TRAPPC6B: variants seen among roughly 807,000 people sequenced by gnomAD.
TRAPPC6B encodes the protein TRAPP complex subunit 6B.
In TRAPPC6B, 27 loss-of-function variants were observed where a neutral mutation model predicts 24.7. The observed-to-expected ratio is 1.09, with a 90% confidence interval of 0.81 to 1.51. TRAPPC6B has a LOEUF of 1.51. Among genes scored for constraint, TRAPPC6B ranks in the 40% most tolerant of loss-of-function variants. TRAPPC6B has a pLI of 0.00. For synonymous variants in TRAPPC6B, 80 were observed against 66.6 expected (o/e 1.20, Z -0.98); for missense variants, 212 against 190.8 (o/e 1.11, Z -0.66).
At chr14:39,154,446 G>C in intron 3 of TRAPPC6B, 152 bp from the exon 4 acceptor site, 2 of 584,812 alleles carry the variant, frequency 3.4e-6, no homozygotes, top group Non-Finnish European at 6.0e-6. Context: ...TTTGAGACGG[G>C]GTCTCCTCTG....
chr14:39,149,452 A>G lies in TRAPPC6B; in HGVS notation c.*898T>C, dbSNP rs1278296456. 1 of 152,226 alleles carries G rather than the reference A, an allele frequency of 6.6e-6. No individual in the cohort carries two copies. The highest frequency in any genetic ancestry group is 2.4e-5 in the African/African-American group (1 of 41,460). 9.4% of individuals were successfully genotyped at this position (152,226 alleles called of 1,614,324 possible). On this transcript the variant is annotated 3_prime_UTR_variant, in exon 6 of 6. Coordinates refer to ENST00000330149, the MANE Select transcript of TRAPPC6B (RefSeq NM_001079537.2). ...TTATGCCAGATAATTTAAGTAAGAG[A>G]AAGTAAGTAGAAGAGGTGGTAAGAA...
intron 1 of TRAPPC6B, among the ~76,000 whole-genome samples, chr14:39,168,537 C>CTT (rs34718979): frequency 5.3e-4 from 81 of 151,894 alleles, no homozygotes; most frequent in Non-Finnish European, 1.1e-3. Flanking sequence ...CTGGCAGTAC[C>CTT]TTTTTTTGGA....
chr14:39,167,769 C>A (rs1218742965), intron 1 of TRAPPC6B, among the ~76,000 whole-genome samples: 1 of 151,796 alleles, frequency 6.6e-6, no homozygotes, highest in Admixed American at 6.6e-5. Flanking sequence ...TTAAATGATT[C>A]AAAACTATGA....
chr14:39,152,387 T>C (rs533698014), intron 4 of TRAPPC6B, among the ~76,000 whole-genome samples: 1 of 152,158 alleles, frequency 6.6e-6, no homozygotes, highest in Non-Finnish European at 1.5e-5. Context: ...ATCAACAGTT[T>C]GGACGTTGAG....
At position 39,158,361 on chromosome 14, in the gene TRAPPC6B, A is replaced by AT; in HGVS notation, c.190dup (p.Ile64AsnfsTer7). On this transcript the variant is annotated frameshift_variant, in exon 3 of 6. Transcript: ENST00000330149. LOFTEE classifies it high-confidence loss of function. ...AAAATCTTTACAAATGAACTTCATGATATCTAACTCATCCTTGAACCTTGC... is the reference window on the plus strand; with the variant it reads ...AAAATCTTTACAAATGAACTTCATGATTATCTAACTCATCCTTGAACCTTGC... 6.2e-7 allele frequency: 1 copy of AT among 1,604,530 alleles called. No individual in the cohort carries two copies. The highest frequency in any genetic ancestry group is 1.3e-5 in the African/African-American group (1 of 74,518).
intron 1 of TRAPPC6B, among the ~76,000 whole-genome samples, chr14:39,164,051 T>C (rs1293777124): frequency 7.0e-6 from 1 of 143,676 alleles, no homozygotes; most frequent in African/African-American, 3.0e-5. Context: ...CGTCTCTCTC[T>C]ACCCTTACTT....
At chr14:39,156,654 G>GT (rs1404168515) in intron 3 of TRAPPC6B, 1 of 152,112 alleles carries the variant, frequency 6.6e-6, no homozygotes, top group Non-Finnish European at 1.5e-5. Context: ...TATGACAGCA[G>GT]TAATAATCCA....
At chr14:39,152,028 G>A (rs1342802788) in intron 4 of TRAPPC6B, among the ~76,000 whole-genome samples, 189 bp from the exon 5 acceptor site, 1 of 152,134 alleles carries the variant, frequency 6.6e-6, no homozygotes, top group East Asian at 1.9e-4. Context: ...AAGCATGGAC[G>A]TAGGACTTAA....
intron 3 of TRAPPC6B, chr14:39,157,572 T>C (rs1198011836): frequency 2.6e-6 from 1 of 381,726 alleles, no homozygotes; most frequent in Non-Finnish European, 5.1e-6. Flanking sequence ...TCTTCCTGCC[T>C]GCCTTGTGTC....
At chr14:39,166,925 A>T (rs1383270158) in intron 1 of TRAPPC6B, among the ~76,000 whole-genome samples, 1 of 152,136 alleles carries the variant, frequency 6.6e-6, no homozygotes, top group Non-Finnish European at 1.5e-5. Flanking sequence ...GGCTGATTTG[A>T]GCAATAATAA....
intron 1 of TRAPPC6B, among the ~76,000 whole-genome samples, chr14:39,169,419 T>C (rs1476593519): frequency 6.6e-6 from 1 of 152,216 alleles, no homozygotes; most frequent in East Asian, 1.9e-4. Context: ...GGGCCATTGT[T>C]TCATTCACTA....
chr14:39,158,655 G>A, intron 2 of TRAPPC6B: 1 of 354,144 alleles, frequency 2.8e-6, no homozygotes. Context: ...CCTAGCAGCT[G>A]AGACCACAGG....
chr14:39,150,394 AT>A lies in TRAPPC6B; in HGVS notation c.446-14del. 6.6e-7 allele frequency: 1 copy of A among 1,516,778 alleles called. No individual in the cohort carries two copies. The highest frequency in any genetic ancestry group is 9.0e-7 in the Non-Finnish European group (1 of 1,114,628). The allele number at this position is 1,516,778 out of a possible 1,614,324, so 94.0% of individuals were successfully genotyped here. On this transcript the variant is annotated splice_polypyrimidine_tract_variant and intron_variant, in intron 5 of 5. Coordinates refer to ENST00000330149, the MANE Select transcript of TRAPPC6B (RefSeq NM_001079537.2). ...ACCTGAAATTTGCCTAAAAAAAAAAATACAAATAATTCTTTGATTTTAGATA... is the reference window on the plus strand; with the variant it reads ...ACCTGAAATTTGCCTAAAAAAAAAAAACAAATAATTCTTTGATTTTAGATA...
intron 1 of TRAPPC6B, among the ~76,000 whole-genome samples, chr14:39,159,830 T>A (rs8014677): frequency 0.93 from 140,892 of 152,078 alleles, 65,357 homozygotes; most frequent in East Asian, 0.95. Flanking sequence ...TACATTTTTT[T>A]AATTTATTTT....
intron 1 of TRAPPC6B, among the ~76,000 whole-genome samples, chr14:39,160,620 G>C (rs766081065): frequency 6.6e-6 from 1 of 151,090 alleles, no homozygotes; most frequent in Non-Finnish European, 1.5e-5. Context: ...AAGAGGGGAG[G>C]GGAGGGGAGG....
chr14:39,159,864 C>G (rs771928653), intron 1 of TRAPPC6B, among the ~76,000 whole-genome samples: 57 of 152,086 alleles, frequency 3.7e-4, no homozygotes, highest in Non-Finnish European at 7.5e-4. Flanking sequence ...GCTCTGTCAT[C>G]CAGGCTGCAG....
At chr14:39,164,453 T>C (rs1190023584) in intron 1 of TRAPPC6B, among the ~76,000 whole-genome samples, 1 of 148,930 alleles carries the variant, frequency 6.7e-6, no homozygotes, top group Non-Finnish European at 1.5e-5. Context: ...GGTCACCCCA[T>C]TGCATTCCAG....
intron 2 of TRAPPC6B, chr14:39,158,632 C>T: frequency 2.5e-6 from 1 of 400,854 alleles, no homozygotes; most frequent in Non-Finnish European, 4.4e-6. Flanking sequence ...AGCTATCCTC[C>T]CACCTCAGCC....
chr14:39,151,927 C>G, intron 4 of TRAPPC6B, 88 bp from the exon 5 acceptor site: 2 of 855,510 alleles, frequency 2.3e-6, no homozygotes, highest in Non-Finnish European at 3.6e-6. Flanking sequence ...GATTTATCAT[C>G]AGTAAGTCAT....
Sources: gnomAD v4.1 joint callset for allele counts (sites outside exome capture counted in the v4.1 genomes callset) on GRCh38, gnomAD v4.1.1 for gene constraint, MANE v1.5 for transcripts, NCBI Gene and HGNC (gene_info 2026-07-23, HGNC 2026-07-21) for gene names.